The following JPH1 variants were observed in gnomAD, a reference collection of about 807,000 sequenced individuals.
The protein encoded by JPH1 is junctophilin 1.
In JPH1, 12 loss-of-function variants were observed where a neutral mutation model predicts 53.6. The ratio of observed to expected loss-of-function variants is 0.22; its 90% CI spans 0.14 to 0.36. The LOEUF is 0.36. JPH1 is among the 10% of genes least tolerant of loss of function. The pLI, the probability that JPH1 is intolerant of heterozygous loss-of-function variation, is 1.00. For missense variants in JPH1, 808 were observed against 905.5 expected, an observed-to-expected ratio of 0.89 and a Z score of 1.38; for synonymous variants, 375 against 363.8, an observed-to-expected ratio of 1.03 and a Z score of -0.35.
At chr8:74,272,491 G>A (rs978145353) in intron 2 of JPH1, among the ~76,000 whole-genome samples, 10 of 151,552 alleles carry the variant, frequency 6.6e-5, no homozygotes, top group Non-Finnish European at 1.5e-4. Context: ...TCTCTGTAAC[G>A]CTTTTCCGAG....
intron 4 of JPH1, among the ~76,000 whole-genome samples, chr8:74,237,815 A>G (rs894396451): frequency 3.3e-5 from 5 of 152,100 alleles, no homozygotes; most frequent in Non-Finnish European, 7.4e-5. Flanking sequence ...TTTGGACACC[A>G]CCCTTTCCGT....
At chr8:74,282,173 A>T (rs1000180049) in intron 2 of JPH1, among the ~76,000 whole-genome samples, 7 of 152,130 alleles carry the variant, frequency 4.6e-5, no homozygotes, top group Non-Finnish European at 7.4e-5. Context: ...TGGAGTCAAG[A>T]CTTTGCCTGA....
At chr8:74,245,587 T>C (rs1563393526) in intron 3 of JPH1, among the ~76,000 whole-genome samples, 1 of 152,216 alleles carries the variant, frequency 6.6e-6, no homozygotes, top group Non-Finnish European at 1.5e-5. Flanking sequence ...GAGGAGAACC[T>C]GTAGATAACA....
At chr8:74,257,748 TA>T (rs986220973) in intron 3 of JPH1, among the ~76,000 whole-genome samples, 1 of 151,858 alleles carries the variant, frequency 6.6e-6, no homozygotes, top group Non-Finnish European at 1.5e-5. Context: ...TGCATATATA[TA>T]AAAAATGATT....
At chr8:74,292,480 T>C (rs1052410293) in intron 2 of JPH1, among the ~76,000 whole-genome samples, 2 of 152,190 alleles carry the variant, frequency 1.3e-5, no homozygotes, top group Non-Finnish European at 2.9e-5. Flanking sequence ...GTGTTTCCTG[T>C]GTTTTACCTA....
At chr8:74,270,173 AT>A (rs1806658343) in intron 2 of JPH1, among the ~76,000 whole-genome samples, 2 of 152,166 alleles carry the variant, frequency 1.3e-5, no homozygotes, top group Non-Finnish European at 2.9e-5. Context: ...TGTAGGACAG[AT>A]TTGGTTTTCA....
intron 2 of JPH1, among the ~76,000 whole-genome samples, chr8:74,305,958 G>A (rs1448628098): frequency 1.3e-5 from 2 of 152,184 alleles, no homozygotes; most frequent in Non-Finnish European, 2.9e-5. Context: ...ATGCCTCCGA[G>A]TGTCTGAATG....
intron 2 of JPH1, among the ~76,000 whole-genome samples, chr8:74,308,350 TA>T (rs1563421149): frequency 1.3e-5 from 2 of 152,182 alleles, no homozygotes; most frequent in Non-Finnish European, 2.9e-5. Flanking sequence ...TTGACCTAAT[TA>T]AGGAAAAAGT....
At chr8:74,273,465 A>G (rs181597911) in intron 2 of JPH1, among the ~76,000 whole-genome samples, 1 of 152,194 alleles carries the variant, frequency 6.6e-6, no homozygotes, top group Non-Finnish European at 1.5e-5. Flanking sequence ...CGACAAACCC[A>G]ACCACACAAA....
At chr8:74,294,678 T>A (rs1356324063) in intron 2 of JPH1, among the ~76,000 whole-genome samples, 1 of 152,154 alleles carries the variant, frequency 6.6e-6, no homozygotes, top group Admixed American at 6.5e-5. Flanking sequence ...AAGGATAGAG[T>A]CCGTATCTTT....
intron 2 of JPH1, among the ~76,000 whole-genome samples, chr8:74,279,652 C>A (rs911820685): frequency 6.6e-6 from 1 of 152,202 alleles, no homozygotes; most frequent in Non-Finnish European, 1.5e-5. Flanking sequence ...GTGAGAAATA[C>A]CGCAATTCCA....
At chr8:74,246,465 C>T (rs942852335) in intron 3 of JPH1, among the ~76,000 whole-genome samples, 31 of 152,086 alleles carry the variant, frequency 2.0e-4, no homozygotes, top group African/African-American at 7.0e-4. Context: ...CCATGGTGGT[C>T]TGAGTAATAA....
intron 2 of JPH1, among the ~76,000 whole-genome samples, chr8:74,269,469 T>C (rs1348472281): frequency 2.6e-5 from 4 of 152,246 alleles, no homozygotes; most frequent in Non-Finnish European, 5.9e-5. Context: ...GAATCATTCA[T>C]TCTACAGTTC....
rs1192443743 is a variant in JPH1 at position 74,277,213 on chromosome 8, C to T, written c.1140-17710G>A. ...AAAGCCACCCTGAGGCCACACTTGC[C>T]ATCCCATCCTGGTCCCCGCTGTGCT... On this transcript the variant is annotated intron_variant, in intron 2 of 5. Coordinates refer to ENST00000342232, the MANE Select transcript of JPH1 (RefSeq NM_020647.4). Among the ~76,000 whole-genome samples the T allele has an allele frequency of 3.3e-5, 5 of 152,284 alleles. No homozygotes were observed. The East Asian group carries it at 7.7e-4, about 24-fold the overall frequency.
chr8:74,253,268 T>A (rs1356574371), intron 3 of JPH1, among the ~76,000 whole-genome samples: 1 of 152,116 alleles, frequency 6.6e-6, no homozygotes, highest in Non-Finnish European at 1.5e-5. Context: ...ACATGGAAAC[T>A]GAACAACCTG....
intron 2 of JPH1, among the ~76,000 whole-genome samples, chr8:74,294,343 A>G (rs1807437838): frequency 6.6e-6 from 1 of 152,064 alleles, no homozygotes; most frequent in Non-Finnish European, 1.5e-5. Flanking sequence ...TTCATTTCTA[A>G]GTGAAGCATT....
At chr8:74,238,219 T>C (rs1346241557) in intron 4 of JPH1, among the ~76,000 whole-genome samples, 2 of 152,190 alleles carry the variant, frequency 1.3e-5, no homozygotes, top group African/African-American at 2.4e-5. Flanking sequence ...ACAGTGGTAC[T>C]CCATTTGGAT....
At chr8:74,303,227 C>G (rs1423485297) in intron 2 of JPH1, among the ~76,000 whole-genome samples, 1 of 152,222 alleles carries the variant, frequency 6.6e-6, no homozygotes, top group Non-Finnish European at 1.5e-5. Context: ...GCTCCAAGCT[C>G]TGCAAGCACA....
At chr8:74,288,991 T>C (rs1305551372) in intron 2 of JPH1, among the ~76,000 whole-genome samples, 1 of 152,170 alleles carries the variant, frequency 6.6e-6, no homozygotes, top group African/African-American at 2.4e-5. Flanking sequence ...GTGAAGACTT[T>C]ACCTAAGAGT....
Sources: allele counts gnomAD v4.1 joint callset (sites outside exome capture counted in the v4.1 genomes callset), GRCh38; gene constraint gnomAD v4.1.1; transcripts MANE v1.5; gene names NCBI Gene and HGNC (gene_info 2026-07-23, HGNC 2026-07-21).